The following NDUFAF6 variants were observed in gnomAD, a reference collection of about 807,000 sequenced individuals.
The protein encoded by NDUFAF6 is NADH dehydrogenase (ubiquinone) complex I, assembly factor 6.
A neutral mutation model predicts 40.8 loss-of-function variants in NDUFAF6; 45 were observed. That is an observed-to-expected ratio of 1.10 (90% confidence interval 0.87 to 1.42). The LOEUF is 1.42. Ranked by LOEUF, NDUFAF6 falls within the 40% of genes most tolerant of loss-of-function variation. The probability of loss-of-function intolerance (pLI) is 0.00; values close to 1 mark genes in which losing one functional copy is unlikely to be tolerated. For synonymous variants in NDUFAF6, 185 were observed against 155.9 expected, an observed-to-expected ratio of 1.19 and a Z score of -1.39; for missense variants, 435 against 418.5, an observed-to-expected ratio of 1.04 and a Z score of -0.34.
intron 2 of NDUFAF6, among the ~76,000 whole-genome samples, chr8:95,005,715 C>G (rs887134319): frequency 7.3e-5 from 11 of 151,610 alleles, no homozygotes; most frequent in African/African-American, 2.7e-4. Flanking sequence ...CCTCTTCCAC[C>G]TTTTCTGCCC....
chr8:94,977,470 C>T (rs1451157065), intron 1 of NDUFAF6, among the ~76,000 whole-genome samples: 5 of 150,332 alleles, frequency 3.3e-5, no homozygotes, highest in African/African-American at 9.8e-5. Flanking sequence ...CTGCTGTGAG[C>T]CATGATCACA....
chr8:94,933,836 G>GC (rs577760874), intron 1 of NDUFAF6, among the ~76,000 whole-genome samples: 5 of 145,364 alleles, frequency 3.4e-5, no homozygotes, highest in South Asian at 2.2e-4. Context: ...GCACTTTGTG[G>GC]GGGGGGGGGG....
intron 4 of NDUFAF6, among the ~76,000 whole-genome samples, chr8:95,112,264 C>T (rs991880113): frequency 1.3e-5 from 2 of 152,086 alleles, no homozygotes; most frequent in African/African-American, 4.8e-5. Flanking sequence ...TGGATTTGAC[C>T]TTATTTAAAA....
chr8:95,090,321 G>A (rs1809206691), intron 2 of NDUFAF6, among the ~76,000 whole-genome samples: 1 of 152,190 alleles, frequency 6.6e-6, no homozygotes, highest in African/African-American at 2.4e-5. Flanking sequence ...TGTGACTTAA[G>A]TATGATAACG....
At chr8:94,940,133 GAA>G in intron 1 of NDUFAF6, 1 of 1,614,170 alleles carries the variant, frequency 6.2e-7, no homozygotes, top group Non-Finnish European at 8.5e-7. Context: ...CGGTAAACAG[GAA>G]AAGACTGAAG....
intron 1 of NDUFAF6, among the ~76,000 whole-genome samples, chr8:94,932,662 G>A (rs1820532232): frequency 6.6e-6 from 1 of 152,096 alleles, no homozygotes; most frequent in African/African-American, 2.4e-5. Flanking sequence ...AATTAGCTGG[G>A]TGCGGTGGCG....
At chr8:95,096,599 G>T (rs1272723486), upstream of NDUFAF6, among the ~76,000 whole-genome samples, 1 of 152,170 alleles carries the variant, frequency 6.6e-6, no homozygotes, top group African/African-American at 2.4e-5. Context: ...TGTAAAAATT[G>T]CACCTCAAAG....
chr8:95,097,192 C>A (rs1243215145), upstream of NDUFAF6, among the ~76,000 whole-genome samples: 1 of 152,158 alleles, frequency 6.6e-6, no homozygotes, highest in Non-Finnish European at 1.5e-5. Flanking sequence ...ACATGATGCC[C>A]CTGGCCTCAA....
At chr8:95,075,625 C>G (rs1043811882) in intron 9 of NDUFAF6, 1 of 1,288,334 alleles carries the variant, frequency 7.8e-7, no homozygotes, top group Non-Finnish European at 1.0e-6. Flanking sequence ...CCTCTTTCCT[C>G]TCTGCAGGAA....
chr8:95,063,347 T>C (rs1174009321), downstream of NDUFAF6, among the ~76,000 whole-genome samples: 2 of 152,220 alleles, frequency 1.3e-5, no homozygotes, highest in Non-Finnish European at 2.9e-5. Flanking sequence ...ACGCCTGTAA[T>C]CTCAACACTT....
intron 6 of NDUFAF6, 110 bp downstream of exon 6, chr8:95,047,237 C>A: frequency 7.0e-7 from 1 of 1,431,850 alleles, no homozygotes; most frequent in Admixed American, 1.9e-5. Flanking sequence ...GAAAGGAATG[C>A]TTATTGCTTA....
intron 1 of NDUFAF6, among the ~76,000 whole-genome samples, chr8:94,972,585 G>A (rs1001416523): frequency 3.9e-5 from 6 of 152,072 alleles, no homozygotes; most frequent in Non-Finnish European, 4.4e-5. Flanking sequence ...AAAGGAAAAT[G>A]AGTTTTTGAT....
At chr8:95,073,610 G>A (rs747479654) in intron 9 of NDUFAF6, among the ~76,000 whole-genome samples, 24 of 152,056 alleles carry the variant, frequency 1.6e-4, no homozygotes, top group South Asian at 6.2e-4. Flanking sequence ...CCCATCCACT[G>A]CCATGGCTCA....
At chr8:95,055,822 T>A (rs1832050244) in intron 8 of NDUFAF6, among the ~76,000 whole-genome samples, 1 of 152,264 alleles carries the variant, frequency 6.6e-6, no homozygotes, top group African/African-American at 2.4e-5. Context: ...GTATATATAT[T>A]GCAATGTATA....
chr8:94,915,282 C>T (rs1043995548), intron 1 of NDUFAF6, among the ~76,000 whole-genome samples: 1 of 152,118 alleles, frequency 6.6e-6, no homozygotes, highest in East Asian at 1.9e-4. Flanking sequence ...CATCTTTACC[C>T]AGTATTTAGC....
At chr8:94,917,974 C>T (rs1390387830) in intron 1 of NDUFAF6, among the ~76,000 whole-genome samples, 1 of 152,204 alleles carries the variant, frequency 6.6e-6, no homozygotes, top group African/African-American at 2.4e-5. Context: ...TTCTGCAGCA[C>T]ATGTTGCCAA....
intron 2 of NDUFAF6, among the ~76,000 whole-genome samples, chr8:95,016,387 C>A (rs998535962): frequency 6.6e-6 from 1 of 152,168 alleles, no homozygotes; most frequent in African/African-American, 2.4e-5. Flanking sequence ...CTTGGAAGTT[C>A]TCTTCTGGCG....
chr8:94,901,240 A>G (rs1267469900), intron 1 of NDUFAF6, among the ~76,000 whole-genome samples: 1 of 152,076 alleles, frequency 6.6e-6, no homozygotes, highest in Non-Finnish European at 1.5e-5. Context: ...TGGGAAGGAG[A>G]TGCAGTGAGA....
chr8:94,966,370 G>T (rs143219852), intron 1 of NDUFAF6, among the ~76,000 whole-genome samples: 2,856 of 152,192 alleles, frequency 0.019, 81 homozygotes, highest in African/African-American at 0.065. Flanking sequence ...GAGGCAGGAG[G>T]ATCACTTGAG....
Sources: allele counts gnomAD v4.1 joint callset (sites outside exome capture counted in the v4.1 genomes callset), GRCh38; gene constraint gnomAD v4.1.1; transcripts MANE v1.5; gene names NCBI Gene and HGNC (gene_info 2026-07-23, HGNC 2026-07-21).